The following TEX15 variants were observed in gnomAD, a reference collection of about 807,000 sequenced individuals.
TEX15 encodes testis expressed 15, meiosis and synapsis associated, also known as testis-expressed protein 15.
In TEX15, 171 loss-of-function variants were observed where a neutral mutation model predicts 237.3. The ratio of observed to expected loss-of-function variants is 0.72; its 90% confidence interval spans 0.64 to 0.82. TEX15 has a LOEUF of 0.82. Among genes scored for constraint, TEX15 ranks in the 40% least tolerant of loss-of-function variants. TEX15 has a pLI of 0.00. For missense variants in TEX15, 3,750 were observed against 3,646.5 expected (o/e 1.03, Z -0.73); for synonymous variants, 1,338 against 1,269.8 (o/e 1.05, Z -1.14).
At chr8:30,888,671 T>A in intron 2 of TEX15, 1 of 1,287,934 alleles carries the variant, frequency 7.8e-7, no homozygotes, top group Middle Eastern at 2.1e-4. Flanking sequence ...TCCTGACACC[T>A]ATCAACTGCT....
At chr8:30,885,725 A>C (rs1014630860) in intron 3 of TEX15, among the ~76,000 whole-genome samples, 2 of 152,136 alleles carry the variant, frequency 1.3e-5, no homozygotes, top group Non-Finnish European at 2.9e-5. Flanking sequence ...CTATTATATC[A>C]AGTTGACTGA....
intron 10 of TEX15, among the ~76,000 whole-genome samples, chr8:30,834,734 T>C (rs1000201369): frequency 2.0e-5 from 3 of 152,166 alleles, no homozygotes; most frequent in Admixed American, 6.5e-5. Flanking sequence ...GCAGATGACG[T>C]TGGACATAGA....
intron 5 of TEX15, among the ~76,000 whole-genome samples, chr8:30,866,539 A>T (rs762860026): frequency 3.1e-4 from 47 of 152,108 alleles, no homozygotes; most frequent in Non-Finnish European, 6.6e-4. Context: ...CTCATTTTTT[A>T]AAAATTTAAA....
chr8:30,876,720 T>A (rs893572159), intron 3 of TEX15, among the ~76,000 whole-genome samples: 5 of 152,194 alleles, frequency 3.3e-5, no homozygotes, highest in Non-Finnish European at 7.3e-5. Flanking sequence ...ACTTCAGCAT[T>A]ACACTTGGAG....
In TEX15 at chr8:30,837,025, T is replaced by C. The variant is rs755826644; in HGVS notation, c.9259A>G (p.Thr3087Ala). 15 of 1,614,050 alleles carry C rather than the reference T, an allele frequency of 9.3e-6. No individual in the cohort carries two copies. In the Admixed American group the frequency reaches 1.8e-4, roughly 20 times the overall value. The change falls in exon 10 of 11, where the codon ACA becomes GCA. Residue 3087 changes from threonine to alanine, a missense_variant. Coordinates refer to ENST00000643185, the MANE Select transcript of TEX15 (RefSeq NM_001350162.2). ...LTTVASTAQG[T>A]HSNLLYSQYF... is the part of the protein sequence containing the mutation. ...TGAGAGTACAGAAGATTAGAATGTG[T>C]GCCCTGGGCAGTACTTGCAACTGTG...
chr8:30,849,424 C>T, intron 7 of TEX15, 108 bp from the exon 8 acceptor site: 1 of 591,576 alleles, frequency 1.7e-6, no homozygotes, highest in African/African-American at 1.9e-5. Context: ...CAGCTAATAA[C>T]CTAATGATGA....
chr8:30,872,700 C>G (rs780931285), intron 4 of TEX15, among the ~76,000 whole-genome samples: 3 of 151,574 alleles, frequency 2.0e-5, no homozygotes, highest in Non-Finnish European at 4.4e-5. Flanking sequence ...TAGCTTTAGG[C>G]TTATGTGTGT....
intron 3 of TEX15, among the ~76,000 whole-genome samples, chr8:30,879,127 CTT>C (rs556866592): frequency 2.1e-5 from 3 of 145,898 alleles, no homozygotes; most frequent in African/African-American, 2.5e-5. Context: ...ACTGGATTGC[CTT>C]TTTTTTTTTA....
intron 4 of TEX15, among the ~76,000 whole-genome samples, chr8:30,874,272 G>A (rs760874206): frequency 6.6e-6 from 1 of 152,140 alleles, no homozygotes; most frequent in Non-Finnish European, 1.5e-5. Context: ...CTCTAGTTAG[G>A]TTTTAAGTTA....
intron 1 of TEX15, among the ~76,000 whole-genome samples, chr8:30,907,301 C>G (rs1809122622): frequency 6.6e-6 from 1 of 151,960 alleles, no homozygotes; most frequent in Non-Finnish European, 1.5e-5. Context: ...GTTTATTTCT[C>G]CTGGTGACTG....
At chr8:30,906,690 T>C (rs557394380) in intron 1 of TEX15, among the ~76,000 whole-genome samples, 1 of 151,880 alleles carries the variant, frequency 6.6e-6, no homozygotes, top group South Asian at 2.1e-4. Context: ...TAGGAAAAAC[T>C]AAAACACTAG....
intron 1 of TEX15, among the ~76,000 whole-genome samples, chr8:30,911,991 G>A (rs1046419875): frequency 3.9e-5 from 6 of 152,162 alleles, no homozygotes; most frequent in African/African-American, 1.4e-4. Context: ...GGGCGAAGCA[G>A]CCCTGCAAAA....
intron 7 of TEX15, among the ~76,000 whole-genome samples, chr8:30,851,847 T>C (rs1008609033): frequency 7.9e-5 from 12 of 151,514 alleles, no homozygotes; most frequent in African/African-American, 2.9e-4. Flanking sequence ...GGTGGGAGGA[T>C]TGCTTAAACC....
At chr8:30,895,676 C>CTTTTTTTTGTTTTTTTTT (rs1808889278) in intron 2 of TEX15, among the ~76,000 whole-genome samples, 1 of 60,060 alleles carries the variant, frequency 1.7e-5, no homozygotes, top group Admixed American at 2.9e-4. Flanking sequence ...TAAACACATG[C>CTTTTTTTTGTTTTTTTTT]TTTTTTTTTT....
At position 30,873,085 on chromosome 8, in the gene TEX15, T is replaced by G. The variant is rs115412817; in HGVS notation, c.302+1852A>C. 6.8e-3 allele frequency among the ~76,000 whole-genome samples: 1,032 copies of G among 152,252 alleles called. 17 individuals carry two copies. Among genetic ancestry groups the G allele is most frequent in the African/African-American group, 0.024 (979 of 41,564 alleles). On this transcript the variant is annotated intron_variant, in intron 4 of 10. Coordinates refer to ENST00000643185, the MANE Select transcript of TEX15 (RefSeq NM_001350162.2). ...ACACAATGACGAAATTGCCCAATGATGCATTTCTCACAACATATTCCTGTC... is the reference window on the plus strand; with the variant it reads ...ACACAATGACGAAATTGCCCAATGAGGCATTTCTCACAACATATTCCTGTC...
At chr8:30,874,229 T>C (rs1808355316) in intron 4 of TEX15, among the ~76,000 whole-genome samples, 1 of 152,138 alleles carries the variant, frequency 6.6e-6, no homozygotes, top group South Asian at 2.1e-4. Flanking sequence ...GCCAAAACAT[T>C]CCAAAACGAG....
At position 30,846,767 on chromosome 8, in the gene TEX15, T is replaced by C. The variant is rs1386888309; in HGVS notation, c.3400A>G (p.Asn1134Asp). ...TTTTGTGTAGAGGAATAAAAATAGT[T>C]ACTTTCCTTAGAATAATGCTGATCA... ...NSDQHYSKES[N>D]YFYSSTQNNE... The change falls in exon 8 of 11, where the codon AAC (asparagine) becomes GAC (aspartate). Residue 1134 changes from asparagine to aspartate, a missense_variant. Physicochemically the swap from Asn to Asp is conservative, Grantham distance 23. Coordinates refer to ENST00000643185, the MANE Select transcript of TEX15 (RefSeq NM_001350162.2). 1.2e-6 allele frequency: 2 copies of C among 1,613,718 alleles called. No homozygotes were observed. The highest frequency in any genetic ancestry group is 2.7e-5 in the African/African-American group (2 of 74,902).
Position 30,887,330 on chromosome 8 carries a change from T to A in TEX15, c.-9-19A>T, listed in dbSNP as rs1489704284. On this transcript the variant is annotated intron_variant, in intron 2 of 10. Transcript: ENST00000643185. ...TGTTGGCCTAAAATCAACCCAAGGT[T>A]ATTAAGCAAAAAGGTCAATAAATAC... 1 of 1,511,530 alleles carries A rather than the reference T, an allele frequency of 6.6e-7. No homozygotes were observed. Among genetic ancestry groups the A allele is most frequent in the Admixed American group, 2.2e-5 (1 of 45,842 alleles). 93.6% of individuals were successfully genotyped at this position (1,511,530 alleles called of 1,614,324 possible).
chr8:30,881,610 C>CTTTTTTTTTTTTTTTTTTTTTTT (rs1164594718), intron 3 of TEX15, among the ~76,000 whole-genome samples: 4 of 109,416 alleles, frequency 3.7e-5, no homozygotes, highest in Admixed American at 9.2e-5. Context: ...TCCATCTTGA[C>CTTTTTTTTTTTTTTTTTTTTTTT]TTTTTATTTT....
Sources: gnomAD v4.1 joint callset for allele counts (sites outside exome capture counted in the v4.1 genomes callset) on GRCh38, gnomAD v4.1.1 for gene constraint, MANE v1.5 for transcripts, NCBI Gene and HGNC (gene_info 2026-07-23, HGNC 2026-07-21) for gene names.